HDAC4: variants seen among roughly 807,000 people sequenced by gnomAD.
HDAC4 encodes the protein histone deacetylase 4, also known as histone deacetylase A.
A neutral mutation model predicts 135.1 loss-of-function variants in HDAC4; 16 were observed. That is an observed-to-expected ratio of 0.12 (90% CI 0.08 to 0.18). The LOEUF is 0.18. Among genes scored for constraint, HDAC4 ranks in the 10% least tolerant of loss-of-function variants. The pLI is 1.00. For synonymous variants in HDAC4, 685 were observed against 653.4 expected (o/e 1.05, Z -0.74); for missense variants, 1,143 against 1,511.8 (o/e 0.76, Z 4.05).
At position 239,235,258 on chromosome 2, in the gene HDAC4, A is replaced by C. The variant is rs777249625; in HGVS notation, c.94+1335T>G. ...ACAGAGAGCCTTCCCGGAGCAGGGCAAAGACACCTCCAGAACTCCGGGTTT... is the reference window on the plus strand; with the variant it reads ...ACAGAGAGCCTTCCCGGAGCAGGGCCAAGACACCTCCAGAACTCCGGGTTT... On this transcript the variant is annotated intron_variant, in intron 3 of 26. Transcript: ENST00000543185. 6.2e-3 allele frequency among the ~76,000 whole-genome samples: 945 copies of C among 152,280 alleles called. 19 individuals carry two copies. The East Asian group carries it at 0.085, about 14-fold the overall frequency.
chr2:239,176,589 G>T (rs377442846), intron 4 of HDAC4, 26 bp from the exon 5 acceptor site: 31 of 1,607,322 alleles, frequency 1.9e-5, no homozygotes, highest in Non-Finnish European at 2.5e-5. Flanking sequence ...GGAGACAGAC[G>T]GTCAGAGCCC....
intron 3 of HDAC4, among the ~76,000 whole-genome samples, chr2:239,227,380 G>A (rs1199966886): frequency 1.3e-5 from 2 of 152,140 alleles, no homozygotes; most frequent in Non-Finnish European, 2.9e-5. Flanking sequence ...GCAGCATTGG[G>A]CCCTCCCAGT....
At chr2:239,131,341 A>G (rs1023521412) in intron 11 of HDAC4, among the ~76,000 whole-genome samples, 1 of 150,246 alleles carries the variant, frequency 6.7e-6, no homozygotes, top group Admixed American at 6.7e-5. Flanking sequence ...ACACCTATGC[A>G]CCACGATTAC....
rs190657423 is a variant in HDAC4 at position 239,147,143 on chromosome 2, C to T, written c.734-2429G>A. Reference sequence around the variant, plus strand: ...TCGGGGAGGGGATTGAGCAGCAGCACGTGGACCAGGAGAGAAGGGGGATGC... The same window carrying T: ...TCGGGGAGGGGATTGAGCAGCAGCATGTGGACCAGGAGAGAAGGGGGATGC... On this transcript the variant is annotated intron_variant, in intron 7 of 26. Transcript: ENST00000543185. 6.6e-5 allele frequency among the ~76,000 whole-genome samples: 10 copies of T among 152,320 alleles called. No individual in the cohort carries two copies. The East Asian group carries it at 1.4e-3, about 21-fold the overall frequency.
intron 2 of HDAC4, among the ~76,000 whole-genome samples, chr2:239,341,279 A>C (rs1692281789): frequency 6.6e-6 from 1 of 152,262 alleles, no homozygotes; most frequent in Non-Finnish European, 1.5e-5. Flanking sequence ...TTGCTCCCGC[A>C]CAGCCACATT....
intron 2 of HDAC4, among the ~76,000 whole-genome samples, chr2:239,291,429 G>T (rs1054106064): frequency 1.3e-5 from 2 of 152,206 alleles, no homozygotes; most frequent in African/African-American, 4.8e-5. Flanking sequence ...CTGGGTGGCG[G>T]GGGGCCTGAG....
chr2:239,297,829 T>G (rs1043847411), intron 2 of HDAC4, among the ~76,000 whole-genome samples: 3 of 152,216 alleles, frequency 2.0e-5, no homozygotes, highest in Non-Finnish European at 2.9e-5. Flanking sequence ...TTAGAACTTT[T>G]GAGAAAATTG....
At position 239,068,563 on chromosome 2, in the gene HDAC4, A is replaced by G; in HGVS notation, c.2795T>C (p.Val932Ala). 4 of 1,613,998 alleles carry G rather than the reference A, an allele frequency of 2.5e-6. No homozygotes were observed. Among genetic ancestry groups the G allele is most frequent in the Non-Finnish European group, 3.4e-6 (4 of 1,180,006 alleles). The change falls in exon 23 of 27, where the codon GTG becomes GCG. Residue 932 changes from valine to alanine, a missense_variant. Physicochemically the swap from Val to Ala is moderately conservative, Grantham distance 64 (BLOSUM62 0). Transcript: ENST00000543185. The surrounding 1 kb of genome is among the most constrained non-coding windows in gnomAD (Gnocchi z 4.4). ...GGCATCGAAGCCTGATGACACCAGC[A>G]CCACATCCGGGGCAAACTCGCTGGC... ...PIASEFAPDV[V>A]LVSSGFDAVE...
intron 17 of HDAC4, among the ~76,000 whole-genome samples, chr2:239,093,058 C>T (rs569385698): frequency 2.0e-5 from 3 of 152,228 alleles, no homozygotes; most frequent in South Asian, 2.1e-4. Flanking sequence ...CGCGGGGAGC[C>T]GGGCGTACGA....
chr2:239,095,640 C>T (rs1027996896), intron 16 of HDAC4, among the ~76,000 whole-genome samples: 1 of 152,202 alleles, frequency 6.6e-6, no homozygotes, highest in African/African-American at 2.4e-5. Context: ...TGCAGCTGCA[C>T]GCCAGGCCTC....
intron 23 of HDAC4, among the ~76,000 whole-genome samples, chr2:239,067,882 C>T (rs535234542): frequency 4.6e-5 from 7 of 152,278 alleles, no homozygotes; most frequent in East Asian, 1.9e-4. Context: ...GCTTGGGCCT[C>T]GGGAGGCTCT....
intron 3 of HDAC4, chr2:239,190,933 C>T (rs773027595): frequency 4.9e-5 from 23 of 466,106 alleles, no homozygotes; most frequent in Non-Finnish European, 8.8e-5. Context: ...ACCCCTTTTA[C>T]GGCAGGTCCC....
At chr2:239,386,778 A>G (rs1238282047) in intron 1 of HDAC4, among the ~76,000 whole-genome samples, 1 of 152,224 alleles carries the variant, frequency 6.6e-6, no homozygotes, top group Non-Finnish European at 1.5e-5. Context: ...GCCCTTGTCC[A>G]GAGACAGCCC....
intron 22 of HDAC4, among the ~76,000 whole-genome samples, chr2:239,075,716 G>A (rs1433566791): frequency 6.6e-6 from 1 of 152,234 alleles, no homozygotes; most frequent in African/African-American, 2.4e-5. Context: ...TGGCACCTTC[G>A]TTACCGACAC....
intron 3 of HDAC4, among the ~76,000 whole-genome samples, chr2:239,223,991 G>T (rs180728651): frequency 5.9e-5 from 9 of 152,132 alleles, no homozygotes; most frequent in African/African-American, 2.2e-4. Flanking sequence ...CACGTTCAGC[G>T]CAGGCTCGCC....
chr2:239,060,656 G>T (rs1190387317), intron 24 of HDAC4, among the ~76,000 whole-genome samples: 1 of 152,344 alleles, frequency 6.6e-6, no homozygotes. Context: ...TTAAAAAGCC[G>T]CTTGATGTTA....
chr2:239,071,385 G>A (rs960274405), intron 22 of HDAC4, among the ~76,000 whole-genome samples: 6 of 152,058 alleles, frequency 3.9e-5, no homozygotes, highest in African/African-American at 9.7e-5. Context: ...ACTGAACTCC[G>A]GCCTGGCTGA....
intron 24 of HDAC4, among the ~76,000 whole-genome samples, chr2:239,063,181 C>T (rs573385376): frequency 2.6e-5 from 4 of 152,052 alleles, no homozygotes; most frequent in Non-Finnish European, 5.9e-5. Flanking sequence ...CCTCCCAAGC[C>T]GGGCCGTGGC....
At chr2:239,218,456 T>C (rs860022) in intron 3 of HDAC4, among the ~76,000 whole-genome samples, 134,481 of 148,964 alleles carry the variant, frequency 0.9, 60,850 homozygotes, top group South Asian at 0.97. Context: ...ACATCTTATA[T>C]AAAAATTAAT....
Sources: allele counts gnomAD v4.1 joint callset (sites outside exome capture counted in the v4.1 genomes callset), GRCh38; gene constraint gnomAD v4.1.1; non-coding constraint Gnocchi (gnomAD v3.1); transcripts MANE v1.5; gene names NCBI Gene and HGNC (gene_info 2026-07-23, HGNC 2026-07-21).